The following FMN1 variants were observed in gnomAD, a reference collection of about 807,000 sequenced individuals.
FMN1 encodes the protein formin 1.
Under a neutral mutation model 132.4 loss-of-function variants are expected in FMN1, and 110 were observed. The observed-to-expected ratio is 0.83, with a 90% CI of 0.71 to 0.97. The LOEUF is 0.97. Ranked by LOEUF, FMN1 falls within the 50% of genes least tolerant of loss-of-function variation. FMN1 has a pLI of 0.00. For missense variants in FMN1, 1,792 were observed against 1,705.3 expected, an observed-to-expected ratio of 1.05 and a Z score of -0.90; for synonymous variants, 722 against 651.7, an observed-to-expected ratio of 1.11 and a Z score of -1.64.
At chr15:33,039,954 A>C (rs906447102) in intron 6 of FMN1, among the ~76,000 whole-genome samples, 3 of 152,120 alleles carry the variant, frequency 2.0e-5, no homozygotes, top group African/African-American at 7.2e-5. Flanking sequence ...TTTCTAGAGG[A>C]GTCTTACAGT....
At chr15:32,872,238 A>G (rs947022802) in intron 16 of FMN1, among the ~76,000 whole-genome samples, 2 of 152,222 alleles carry the variant, frequency 1.3e-5, no homozygotes, top group Non-Finnish European at 2.9e-5. Flanking sequence ...CCAATCAACA[A>G]TATCAAGTAA....
intron 16 of FMN1, among the ~76,000 whole-genome samples, chr15:32,887,578 T>C (rs571194680): frequency 4.1e-4 from 63 of 152,354 alleles, no homozygotes; most frequent in Non-Finnish European, 7.3e-4. Context: ...ATTATTAGAC[T>C]CATATATAAA....
intron 5 of FMN1, among the ~76,000 whole-genome samples, chr15:33,088,052 C>CT (rs923291792): frequency 1.3e-5 from 2 of 151,942 alleles, no homozygotes; most frequent in Non-Finnish European, 2.9e-5. Flanking sequence ...ACTTTGGGGA[C>CT]TTGAGGGAAA....
chr15:32,988,343 T>C (rs987589757), intron 7 of FMN1, among the ~76,000 whole-genome samples: 1 of 152,312 alleles, frequency 6.6e-6, no homozygotes, highest in East Asian at 1.9e-4. Context: ...AATTTGAAAT[T>C]GAGCAAAGTA....
intron 9 of FMN1, among the ~76,000 whole-genome samples, chr15:32,946,408 C>T (rs2061512798): frequency 6.6e-6 from 1 of 152,166 alleles, no homozygotes; most frequent in Admixed American, 6.5e-5. Context: ...GTGTAACACA[C>T]ATGGTAGATG....
At chr15:32,971,336 G>C (rs1035380974) in intron 7 of FMN1, among the ~76,000 whole-genome samples, 1 of 152,080 alleles carries the variant, frequency 6.6e-6, no homozygotes. Flanking sequence ...CTTTGTAGAG[G>C]GACAGGCATA....
chr15:32,994,290 A>G (rs979119885), intron 7 of FMN1, among the ~76,000 whole-genome samples: 1 of 151,898 alleles, frequency 6.6e-6, no homozygotes, highest in Non-Finnish European at 1.5e-5. Flanking sequence ...GATATAAATT[A>G]CATTGCTTAT....
intron 3 of FMN1, among the ~76,000 whole-genome samples, chr15:33,179,778 T>C (rs1965633016): frequency 6.6e-6 from 1 of 152,170 alleles, no homozygotes; most frequent in South Asian, 2.1e-4. Context: ...AACAAATATA[T>C]ATGGAAAGTG....
rs193147299 is a variant in FMN1, at chr15:32,823,247, T to C, written c.3929-18915A>G. Among the ~76,000 whole-genome samples, 30 of 144,450 alleles carry C rather than the reference T, an allele frequency of 2.1e-4. No individual in the cohort carries two copies. In the East Asian group the frequency reaches 4.3e-3, roughly 21 times the overall value. 94.8% of individuals were successfully genotyped at this position (144,450 alleles called of 152,430 possible). A position where few individuals can be genotyped will look rare whatever the true frequency, so the allele number is the denominator to read the frequency against. On this transcript the variant is annotated intron_variant, in intron 17 of 20. Coordinates refer to ENST00000616417, the MANE Select transcript of FMN1 (RefSeq NM_001277313.2). The stretch of plus-strand genomic sequence containing the variant: ...CTCAATCTCGGCTCACTGCAAGCTC[T>C]GCCTCCTGGGTTCACACCATTCTCC...
chr15:33,106,902 G>A (rs909674323), intron 4 of FMN1, among the ~76,000 whole-genome samples: 5 of 151,974 alleles, frequency 3.3e-5, no homozygotes, highest in Admixed American at 2.0e-4. Flanking sequence ...CACTCCATCT[G>A]TCATCTCATT....
intron 15 of FMN1, among the ~76,000 whole-genome samples, chr15:32,895,960 C>G (rs2060144741): frequency 6.6e-6 from 1 of 152,066 alleles, no homozygotes; most frequent in Admixed American, 6.5e-5. Context: ...GATTTTGCTA[C>G]TTCAAAATCA....
chr15:33,038,916 G>A, intron 6 of FMN1, among the ~76,000 whole-genome samples: 1 of 152,132 alleles, frequency 6.6e-6, no homozygotes, highest in South Asian at 2.1e-4. Context: ...CCCCCACTTT[G>A]AAGACTTCTA....
chr15:33,053,652 T>C (rs1336333398), intron 6 of FMN1, among the ~76,000 whole-genome samples: 1 of 152,122 alleles, frequency 6.6e-6, no homozygotes, highest in African/African-American at 2.4e-5. Flanking sequence ...TTTGATAATT[T>C]CCTGGAAAAG....
At chr15:33,066,143 G>A (rs941531256) in intron 5 of FMN1, among the ~76,000 whole-genome samples, 9 of 152,182 alleles carry the variant, frequency 5.9e-5, no homozygotes, top group African/African-American at 1.9e-4. Flanking sequence ...TTCTGCGGAG[G>A]TATAATTAAG....
intron 8 of FMN1, 54 bp downstream of exon 8, chr15:32,968,660 T>C (rs2031469711): frequency 1.2e-6 from 2 of 1,604,926 alleles, no homozygotes; most frequent in Non-Finnish European, 1.7e-6. Context: ...AAAATATCAC[T>C]TGGGCCAAAT....
chr15:33,103,314 C>A (rs1019121760), intron 4 of FMN1, among the ~76,000 whole-genome samples: 2 of 152,086 alleles, frequency 1.3e-5, no homozygotes, highest in African/African-American at 4.8e-5. Flanking sequence ...TGTTTAACCT[C>A]TCTATGTCCC....
intron 5 of FMN1, among the ~76,000 whole-genome samples, chr15:33,066,150 T>A (rs2037714942): frequency 6.6e-6 from 1 of 152,188 alleles, no homozygotes; most frequent in African/African-American, 2.4e-5. Flanking sequence ...GAGGTATAAT[T>A]AAGGGGTGAG....
chr15:32,883,045 C>A (rs501747), intron 16 of FMN1, among the ~76,000 whole-genome samples: 4,852 of 152,238 alleles, frequency 0.032, 254 homozygotes, highest in African/African-American at 0.11. Context: ...ACAGAGGAAC[C>A]GTTTCCCCTC....
rs190247823 is a variant in FMN1 at position 33,039,103 on chromosome 15, T to C, written c.2161+25854A>G. ...CAAACACACACGATGTTAAACAATA[T>C]AGTAAGATTTAAATAAAAATTCAAT... is the stretch of plus-strand genomic sequence containing the variant. On this transcript the variant is annotated intron_variant, in intron 6 of 20. Coordinates refer to ENST00000616417, the MANE Select transcript of FMN1 (RefSeq NM_001277313.2). Among the ~76,000 whole-genome samples, 164 of 152,238 alleles carry C rather than the reference T, an allele frequency of 1.1e-3. 2 individuals carry two copies. In the Middle Eastern group the frequency reaches 0.024, roughly 22 times the overall value.
Sources: allele counts gnomAD v4.1 joint callset (sites outside exome capture counted in the v4.1 genomes callset), GRCh38; gene constraint gnomAD v4.1.1; transcripts MANE v1.5; gene names NCBI Gene and HGNC (gene_info 2026-07-23, HGNC 2026-07-21).